Variants in CSMD3 observed in about 807,000 individuals in gnomAD.
CSMD3 encodes the protein CUB and Sushi multiple domains 3.
Under a neutral mutation model 435.2 loss-of-function variants are expected in CSMD3, and 177 were observed. That is an observed-to-expected ratio of 0.41 (90% CI 0.36 to 0.46). CSMD3 has a LOEUF of 0.46. CSMD3 is among the 20% of genes least tolerant of loss of function. The probability of loss-of-function intolerance (pLI) is 0.34; values close to 1 mark genes in which losing one functional copy is unlikely to be tolerated. For synonymous variants in CSMD3, 1,656 were observed against 1,520.5 expected (o/e 1.09, Z -2.07); for missense variants, 4,265 against 4,504.6 (o/e 0.95, Z 1.52).
At chr8:112,391,262 G>A (rs1232518536) in intron 35 of CSMD3, among the ~76,000 whole-genome samples, 1 of 152,034 alleles carries the variant, frequency 6.6e-6, no homozygotes, top group East Asian at 1.9e-4. Context: ...TATATGCGAG[G>A]CACCCTTCTA....
chr8:112,227,071 G>T (rs1812644614), intron 70 of CSMD3, among the ~76,000 whole-genome samples: 1 of 152,044 alleles, frequency 6.6e-6, no homozygotes, highest in African/African-American at 2.4e-5. Context: ...TCATTCCTGG[G>T]TATATACTGA....
intron 38 of CSMD3, among the ~76,000 whole-genome samples, chr8:112,365,468 C>CTTTT (rs546920182): frequency 8.9e-6 from 1 of 112,646 alleles, no homozygotes; most frequent in Non-Finnish European, 1.7e-5. Flanking sequence ...CATAGATTTC[C>CTTTT]TTTTTTTTTT....
chr8:112,984,166 G>A (rs538348400), intron 6 of CSMD3, among the ~76,000 whole-genome samples: 15 of 151,584 alleles, frequency 9.9e-5, no homozygotes, highest in African/African-American at 2.9e-4. Flanking sequence ...ATTATATATG[G>A]GGTATTACAT....
Position 112,406,670 on chromosome 8 carries a change from C to T in CSMD3, c.5663G>A (p.Arg1888Lys), listed in dbSNP as rs2130027820. 3 of 1,612,178 alleles carry T rather than the reference C, an allele frequency of 1.9e-6. No individual in the cohort carries two copies. Among genetic ancestry groups the T allele is most frequent in the Middle Eastern group, 1.7e-4 (1 of 6,052 alleles). Residue 1888 changes from arginine to lysine, a missense_variant, in exon 35 of 71, where the codon AGA (arginine) becomes AAA (lysine). Arg to Lys is a conservative substitution (Grantham distance 26). Around this residue, in one of 3 missense-constraint regions of CSMD3, gnomAD observed 3,255 missense variants for 3,380.2 expected, o/e 0.96. Transcript: ENST00000297405. ...CSSVPEPRFG[R>K]RIGNEFAVGS... ...GACTGCAAATTCATTGCCAATTCTT[C>T]TTCCGAATCTTGGTTCAGGCACAGA...
chr8:112,594,729 T>A (rs1831528503), intron 22 of CSMD3, among the ~76,000 whole-genome samples: 2 of 152,230 alleles, frequency 1.3e-5, no homozygotes, highest in African/African-American at 4.8e-5. Context: ...GCAGCCTAAC[T>A]GGGAGGCACC....
intron 53 of CSMD3, among the ~76,000 whole-genome samples, chr8:112,301,313 C>CA (rs763682838): frequency 2.4e-4 from 37 of 151,852 alleles, no homozygotes; most frequent in East Asian, 1.4e-3. Flanking sequence ...AAATCAGGTT[C>CA]AAAAAATTTT....
rs567658964 is a variant in CSMD3 at position 112,478,499 on chromosome 8, G to T, written c.5279-5792C>A. On this transcript the variant is annotated intron_variant, in intron 31 of 70. Transcript: ENST00000297405. Reference sequence around the variant, plus strand: ...GTCACCTGTATTATTCTCTAGCAAAGAATTTGGCTGCATTGTGTTCATGTC... The same window carrying T: ...GTCACCTGTATTATTCTCTAGCAAATAATTTGGCTGCATTGTGTTCATGTC... 9.2e-5 allele frequency among the ~76,000 whole-genome samples: 14 copies of T among 152,296 alleles called. No individual in the cohort carries two copies. In the East Asian group the frequency reaches 2.7e-3, roughly 29 times the overall value.
At chr8:112,735,617 A>G (rs1193714424) in intron 13 of CSMD3, among the ~76,000 whole-genome samples, 1 of 152,050 alleles carries the variant, frequency 6.6e-6, no homozygotes, top group East Asian at 1.9e-4. Context: ...GAGGACAAAT[A>G]ATACTTGCTG....
chr8:112,551,253 T>C (rs1827660853), intron 26 of CSMD3, among the ~76,000 whole-genome samples: 1 of 152,102 alleles, frequency 6.6e-6, no homozygotes. Context: ...CAATGAAATA[T>C]GAATAATTTT....
At chr8:113,383,605 T>A (rs2094426775) in intron 1 of CSMD3, among the ~76,000 whole-genome samples, 1 of 152,184 alleles carries the variant, frequency 6.6e-6, no homozygotes, top group South Asian at 2.1e-4. Flanking sequence ...ATTTTGATGA[T>A]GTCGATTTTC....
intron 4 of CSMD3, among the ~76,000 whole-genome samples, chr8:113,169,551 G>A (rs899831): frequency 0.67 from 102,371 of 151,934 alleles, 36,068 homozygotes; most frequent in East Asian, 0.95. Context: ...AATTTTCTTT[G>A]GTTAATCTAA....
chr8:113,268,537 T>C (rs1197730342), intron 3 of CSMD3, among the ~76,000 whole-genome samples: 1 of 151,708 alleles, frequency 6.6e-6, no homozygotes, highest in Non-Finnish European at 1.5e-5. Context: ...CTGCAGAAAT[T>C]TAATAGTTCA....
chr8:112,758,987 T>A (rs2077769712), intron 13 of CSMD3, among the ~76,000 whole-genome samples: 1 of 152,158 alleles, frequency 6.6e-6, no homozygotes, highest in South Asian at 2.1e-4. Context: ...AAAATAATAA[T>A]TCAAAGACAG....
chr8:112,755,331 A>AAATAAT (rs71309790), intron 13 of CSMD3, among the ~76,000 whole-genome samples: 25,796 of 128,110 alleles, frequency 0.2, 2,626 homozygotes, highest in Middle Eastern at 0.22. Flanking sequence ...ACTCCGTCTC[A>AAATAAT]AATAATAATA....
intron 32 of CSMD3, among the ~76,000 whole-genome samples, chr8:112,420,279 G>T (rs895027476): frequency 1.3e-5 from 2 of 152,042 alleles, no homozygotes; most frequent in Non-Finnish European, 2.9e-5. Flanking sequence ...TATCCGACCT[G>T]TATCCCCAAC....
intron 13 of CSMD3, among the ~76,000 whole-genome samples, chr8:112,791,061 G>A (rs775111830): frequency 3.3e-5 from 5 of 152,078 alleles, no homozygotes; most frequent in Admixed American, 6.6e-5. Context: ...GGTGGCTCAC[G>A]CCTGTAACCT....
At chr8:112,742,625 C>G (rs1000085074) in intron 13 of CSMD3, among the ~76,000 whole-genome samples, 1 of 151,744 alleles carries the variant, frequency 6.6e-6, no homozygotes, top group African/African-American at 2.4e-5. Flanking sequence ...CATATAAAGA[C>G]AGTTGTGTGA....
At chr8:112,308,792 C>T (rs1201928615) in intron 50 of CSMD3, among the ~76,000 whole-genome samples, 1 of 152,008 alleles carries the variant, frequency 6.6e-6, no homozygotes, top group Non-Finnish European at 1.5e-5. Flanking sequence ...TGTTTATCCT[C>T]ATGTTGTGTA....
intron 23 of CSMD3, among the ~76,000 whole-genome samples, chr8:112,582,206 CT>C (rs978714981): frequency 2.0e-5 from 3 of 151,888 alleles, no homozygotes; most frequent in African/African-American, 7.3e-5. Context: ...CCTGTTGTCC[CT>C]TTGCTCTCTT....
Sources: allele counts gnomAD v4.1 joint callset (sites outside exome capture counted in the v4.1 genomes callset), GRCh38; gene constraint gnomAD v4.1.1; regional missense constraint gnomAD v4.1.1; transcripts MANE v1.5; gene names NCBI Gene and HGNC (gene_info 2026-07-23, HGNC 2026-07-21).